Variants in CCDC197 observed in about 807,000 individuals in gnomAD.
CCDC197 encodes coiled-coil domain containing 197.
CCDC197 carries 24 observed loss-of-function variants against 13.4 expected under a neutral mutation model. That is an observed-to-expected ratio of 1.80 (90% CI 1.30 to 2.53). The LOEUF (loss-of-function observed/expected upper bound fraction) is 2.53, where lower values mean the gene tolerates loss of function less well. Ranked by LOEUF, CCDC197 falls within the 30% of genes most tolerant of loss-of-function variation. CCDC197 has a pLI of 0.00. For synonymous variants in CCDC197, 99 were observed against 55.5 expected (o/e 1.78, Z -3.48); for missense variants, 255 against 148.8 (o/e 1.71, Z -3.71).
At chr14:94,007,830 G>A (rs1477365803) in intron 6 of CCDC197, among the ~76,000 whole-genome samples, 4 of 152,172 alleles carry the variant, frequency 2.6e-5, no homozygotes. Flanking sequence ...AACCCTGAGG[G>A]GCAGGTCTCT....
At chr14:93,999,843 G>C (rs1890439650) in intron 3 of CCDC197, among the ~76,000 whole-genome samples, 178 bp downstream of exon 3, 2 of 152,134 alleles carry the variant, frequency 1.3e-5, no homozygotes, top group South Asian at 4.1e-4. Flanking sequence ...CTGACTGCTT[G>C]GTCCCAACTC....
At chr14:93,990,153 C>T (rs1371088318) in intron 1 of CCDC197, among the ~76,000 whole-genome samples, 2 of 152,186 alleles carry the variant, frequency 1.3e-5, no homozygotes, top group African/African-American at 4.8e-5. Flanking sequence ...AGTTCAAGGT[C>T]AATTGATTGG....
upstream of CCDC197, among the ~76,000 whole-genome samples, chr14:93,995,562 A>T (rs1890268975): frequency 6.6e-6 from 1 of 152,130 alleles, no homozygotes; most frequent in South Asian, 2.1e-4. Flanking sequence ...GCACTGGGAA[A>T]CTTCCGGGCC....
rs1253539819 is a variant in CCDC197 at position 94,003,080 on chromosome 14, T to A, written c.367-143T>A. 1.2e-5 allele frequency: 7 copies of A among 580,802 alleles called. No individual in the cohort carries two copies. The East Asian group carries it at 2.1e-4, about 17-fold the overall frequency. 36.0% of individuals were successfully genotyped at this position (580,802 alleles called of 1,614,324 possible). A position where few individuals can be genotyped will look rare whatever the true frequency, so the allele number is the denominator to read the frequency against. ...GCCTGGACACGCCCTTTTCTGCATC[T>A]CTGGTGCCTTGAATGGCCCCAGCCA... On this transcript the variant is annotated intron_variant, in intron 4 of 6. Coordinates refer to ENST00000636493, the MANE Select transcript of CCDC197 (RefSeq NM_001351596.2). This position sits in a 1 kb window ranked among gnomAD's most constrained non-coding sequence, Gnocchi z 5.0.
chr14:94,010,693 A>G (rs1013972996), downstream of CCDC197, among the ~76,000 whole-genome samples: 4 of 151,752 alleles, frequency 2.6e-5, no homozygotes, highest in Admixed American at 2.6e-4. Context: ...AGCATGCGGA[A>G]CCCCCTGAGC....
At chr14:93,989,329 T>C (rs57780763) in intron 1 of CCDC197, among the ~76,000 whole-genome samples, 3 of 152,130 alleles carry the variant, frequency 2.0e-5, no homozygotes, top group Non-Finnish European at 2.9e-5. Context: ...TATGAAAATT[T>C]CGGGCTGCTC....
At chr14:93,998,317 C>T (rs1047475444) in intron 2 of CCDC197, 82 bp downstream of exon 2, 2 of 719,058 alleles carry the variant, frequency 2.8e-6, no homozygotes, top group East Asian at 2.6e-5. Context: ...GCAAACATGT[C>T]CCCGAGGAGG....
upstream of CCDC197, among the ~76,000 whole-genome samples, chr14:93,992,720 G>T (rs1890233943): frequency 6.6e-6 from 1 of 152,246 alleles, no homozygotes; most frequent in Non-Finnish European, 1.5e-5. Context: ...CCACGGGAAG[G>T]CCCTGTCTTG....
chr14:93,990,295 C>T (rs970108298), intron 1 of CCDC197, among the ~76,000 whole-genome samples: 2 of 152,160 alleles, frequency 1.3e-5, no homozygotes, highest in African/African-American at 4.8e-5. Flanking sequence ...TTTCCTAGAC[C>T]ATCTCGAGTC....
At chr14:93,999,730 G>C in intron 3 of CCDC197, 65 bp downstream of exon 3, 2 of 773,380 alleles carry the variant, frequency 2.6e-6, no homozygotes, top group East Asian at 4.9e-5. Flanking sequence ...GCAGGACTGC[G>C]ACACCGTGTG....
At chr14:94,005,402 T>G (rs922036612) in intron 6 of CCDC197, among the ~76,000 whole-genome samples, 2 of 152,140 alleles carry the variant, frequency 1.3e-5, no homozygotes, top group Non-Finnish European at 2.9e-5. Flanking sequence ...CTTACACATA[T>G]GAGAACGCTG....
intron 5 of CCDC197, 45 bp from the exon 6 acceptor site, chr14:94,004,802 GGGGATGCT>G (rs1372063835): frequency 1.4e-6 from 1 of 692,954 alleles, no homozygotes; most frequent in Non-Finnish European, 2.6e-6. Flanking sequence ...GGCAGGGGCA[GGGGATGCT>G]GGGAGAGAGC....
chr14:93,989,049 A>G (rs192212466), intron 1 of CCDC197, among the ~76,000 whole-genome samples: 7 of 152,124 alleles, frequency 4.6e-5, no homozygotes, highest in Non-Finnish European at 8.8e-5. Context: ...GAGATTGTGT[A>G]AACTGCAATG....
chr14:94,000,067 A>G (rs1890445966), intron 3 of CCDC197, among the ~76,000 whole-genome samples: 1 of 152,168 alleles, frequency 6.6e-6, no homozygotes. Flanking sequence ...TTGTGTTGCT[A>G]TTATTAACTA....
At chr14:94,001,766 A>G (rs1419916036) in intron 4 of CCDC197, 1 of 153,878 alleles carries the variant, frequency 6.5e-6, no homozygotes, top group African/African-American at 2.4e-5. Context: ...CTTTGTAGTT[A>G]TCGCATAATA....
chr14:94,009,221 G>A (rs116977843), downstream of CCDC197, among the ~76,000 whole-genome samples: 397 of 152,302 alleles, frequency 2.6e-3, 1 homozygote, highest in Non-Finnish European at 4.1e-3. Flanking sequence ...CCATGGGATC[G>A]ATGGGAGTTC....
chr14:93,990,232 A>T (rs371145995), intron 1 of CCDC197, among the ~76,000 whole-genome samples: 33 of 152,322 alleles, frequency 2.2e-4, no homozygotes, highest in South Asian at 8.3e-4. Flanking sequence ...TGCTCACCAC[A>T]TTCACAGCCC....
At chr14:94,004,743 C>T in intron 5 of CCDC197, 112 bp from the exon 6 acceptor site, 1 of 626,388 alleles carries the variant, frequency 1.6e-6, no homozygotes, top group Non-Finnish European at 2.9e-6. Context: ...AAGGACACTC[C>T]CAGTGTCCCA....
In CCDC197 at chr14:93,997,561, A is replaced by G. The variant is rs1482043772; in HGVS notation, c.-144A>G. The G allele has an allele frequency of 6.6e-6, 1 of 151,618 alleles. No homozygotes were observed. Among genetic ancestry groups the G allele is most frequent in the Non-Finnish European group, 1.5e-5 (1 of 68,504 alleles). 9.4% of individuals were successfully genotyped at this position (151,618 alleles called of 1,614,324 possible). A position where few individuals can be genotyped will look rare whatever the true frequency, so the allele number is the denominator to read the frequency against. On this transcript the variant is annotated 5_prime_UTR_variant, in exon 1 of 7. Coordinates refer to ENST00000636493, the MANE Select transcript of CCDC197 (RefSeq NM_001351596.2). ...TTCAAGGCATCTCTTCTCAGTCTCC[A>G]CTGTAGCTCTGTAAGACCTGTATGA... is the stretch of plus-strand genomic sequence containing the variant.
Sources: gnomAD v4.1 joint callset for allele counts (sites outside exome capture counted in the v4.1 genomes callset) on GRCh38, gnomAD v4.1.1 for gene constraint, Gnocchi (gnomAD v3.1) non-coding constraint, MANE v1.5 for transcripts, NCBI Gene and HGNC (gene_info 2026-07-23, HGNC 2026-07-21) for gene names.